The following ECPAS variants were observed in gnomAD, a reference collection of about 807,000 sequenced individuals.
The protein encoded by ECPAS is Ecm29 proteasome adaptor and scaffold, also known as proteasome adapter and scaffold protein ECM29.
ECPAS carries 70 observed loss-of-function variants against 255.1 expected under a neutral mutation model. That is an observed-to-expected ratio of 0.27 (90% confidence interval 0.23 to 0.33). The LOEUF (loss-of-function observed/expected upper bound fraction) is 0.33, where lower values mean the gene tolerates loss of function less well. ECPAS is among the 10% of genes least tolerant of loss of function. The pLI, the probability that ECPAS is intolerant of heterozygous loss-of-function variation, is 1.00. For synonymous variants in ECPAS, 784 were observed against 775.0 expected (o/e 1.01, Z -0.19); for missense variants, 1,817 against 2,206.4 (o/e 0.82, Z 3.54).
Position 111,372,600 on chromosome 9 carries a change from A to T in ECPAS, c.4357T>A (p.Cys1453Ser). 6.2e-7 allele frequency: 1 copy of T among 1,612,532 alleles called. No homozygotes were observed. The highest frequency in any genetic ancestry group is 8.5e-7 in the Non-Finnish European group (1 of 1,179,118). The change falls in exon 42 of 50, where the codon TGT (cysteine) becomes AGT (serine). Residue 1453 changes from cysteine to serine, a missense_variant. Transcript: ENST00000684092. ...EKEEPIYKTS[C>S]ALTIHAIGRY... Reference sequence around the variant, plus strand: ...CCAATAGCATGAATAGTCAAAGCACAAGAGGTCTTGTAGATAGGTTCTGAA... The same window carrying T: ...CCAATAGCATGAATAGTCAAAGCACTAGAGGTCTTGTAGATAGGTTCTGAA...
At chr9:111,446,824 A>T (rs1040580979) in intron 3 of ECPAS, among the ~76,000 whole-genome samples, 4 of 152,204 alleles carry the variant, frequency 2.6e-5, no homozygotes, top group Non-Finnish European at 5.9e-5. Context: ...TAACCTTTTC[A>T]AACACTGATA....
At chr9:111,425,216 A>C (rs571801228) in intron 12 of ECPAS, among the ~76,000 whole-genome samples, 1 of 152,062 alleles carries the variant, frequency 6.6e-6, no homozygotes, top group Non-Finnish European at 1.5e-5. Flanking sequence ...GTAAGACCTC[A>C]TATCAGTTTT....
chr9:111,389,679 C>T lies in ECPAS; in HGVS notation c.3324G>A (p.Glu1108=). 5 of 1,613,686 alleles carry T rather than the reference C, an allele frequency of 3.1e-6. No homozygotes were observed. The highest frequency in any genetic ancestry group is 4.2e-6 in the Non-Finnish European group (5 of 1,179,748). The change falls in exon 31 of 50, where the codon GAG becomes GAA. Residue 1108 remains glutamate, a synonymous_variant. Coordinates refer to ENST00000684092, the MANE Select transcript of ECPAS (RefSeq NM_001364929.1). The part of the protein sequence containing the change: ...GFNVIATRAG[E]QLAPFLPQLV... ...GCTGAGGCAGAAAAGGAGCCAGCTG[C>T]TCTCCAGCTCTGGTAGCAATTACAT...
In ECPAS at chr9:111,406,150, T is replaced by A. The variant is rs949536423; in HGVS notation, c.2652+2421A>T. Among the ~76,000 whole-genome samples, 6 of 149,698 alleles carry A rather than the reference T, an allele frequency of 4.0e-5. 2 individuals are homozygous for A. The highest frequency in any genetic ancestry group is 7.6e-5 in the African/African-American group (3 of 39,456). On this transcript the variant is annotated intron_variant, in intron 24 of 49. Transcript: ENST00000684092. ...TCCAGCAACAGATGAATGGATTTTTTAAAAGTGGTATATATACACAATGGA... is the reference window on the plus strand; with the variant it reads ...TCCAGCAACAGATGAATGGATTTTTAAAAAGTGGTATATATACACAATGGA...
intron 13 of ECPAS, 79 bp from the exon 14 acceptor site, chr9:111,422,279 A>C (rs1280099217): frequency 7.0e-7 from 1 of 1,432,720 alleles, no homozygotes; most frequent in Non-Finnish European, 9.7e-7. Flanking sequence ...ACTAAACACA[A>C]ATTTTCCTGA....
intron 35 of ECPAS, 65 bp downstream of exon 35, chr9:111,383,146 G>C: frequency 6.3e-7 from 1 of 1,580,458 alleles, no homozygotes; most frequent in Middle Eastern, 1.7e-4. Context: ...ATCTAACCTT[G>C]AAAGAAACAC....
chr9:111,472,031 G>C (rs2098288984), intron 2 of ECPAS, among the ~76,000 whole-genome samples: 1 of 152,222 alleles, frequency 6.6e-6, no homozygotes, highest in African/African-American at 2.4e-5. Flanking sequence ...GAGCCCAGGA[G>C]GTCAAGGCTG....
chr9:111,423,397 G>A (rs1457744812), intron 12 of ECPAS, 149 bp from the exon 13 acceptor site: 2 of 604,780 alleles, frequency 3.3e-6, no homozygotes, highest in African/African-American at 1.9e-5. Flanking sequence ...TAACTACATG[G>A]TGTTAGCACC....
chr9:111,454,769 C>T (rs939901558), intron 2 of ECPAS, among the ~76,000 whole-genome samples: 5 of 150,746 alleles, frequency 3.3e-5, no homozygotes, highest in Non-Finnish European at 7.4e-5. Flanking sequence ...AGTGCAGTGG[C>T]GCTATCCACA....
Position 111,412,067 on chromosome 9 carries a change from TC to T in ECPAS, c.2160del (p.Asn721MetfsTer3). ...TGTTCTATCATTGATTTCAACTCATTCCCCGACACTGTTGATACCACTACAG... is the reference window on the plus strand; with the variant it reads ...TGTTCTATCATTGATTTCAACTCATTCCCGACACTGTTGATACCACTACAG... ...FYSVVVSTVS[G>X]NELKSMIEQL... is the part of the protein sequence containing the mutation. On this transcript the variant is annotated frameshift_variant, in exon 21 of 50. Coordinates refer to ENST00000684092, the MANE Select transcript of ECPAS (RefSeq NM_001364929.1). LOFTEE classifies it high-confidence loss of function. 1 of 1,592,726 alleles carries T rather than the reference TC, an allele frequency of 6.3e-7. No homozygotes were observed. Among genetic ancestry groups the T allele is most frequent in the Non-Finnish European group, 8.5e-7 (1 of 1,174,186 alleles).
chr9:111,391,812 T>C lies in ECPAS; in HGVS notation c.3105A>G (p.Glu1035=). The C allele has an allele frequency of 6.2e-7, 1 of 1,605,244 alleles. No individual in the cohort carries two copies. The highest frequency in any genetic ancestry group is 2.2e-5 in the East Asian group (1 of 44,716). The change falls in exon 29 of 50, where the codon GAA becomes GAG. Residue 1035 remains glutamate (E), a synonymous_variant. Transcript: ENST00000684092. Reference sequence around the variant, plus strand: ...GAAATACCACTGTCTCTCCAGAAACTTCATGTTTAACTCTAAACCAAAACA... The same window carrying C: ...GAAATACCACTGTCTCTCCAGAAACCTCATGTTTAACTCTAAACCAAAACA... ...TLMTGKRVKH[E]VSGETVVFQG...
At chr9:111,429,705 T>C (rs1446989407) in intron 9 of ECPAS, among the ~76,000 whole-genome samples, 1 of 152,166 alleles carries the variant, frequency 6.6e-6, no homozygotes, top group African/African-American at 2.4e-5. Context: ...TATTTATGGT[T>C]TAAAAAGCAA....
chr9:111,430,674 C>A, intron 8 of ECPAS, 46 bp from the exon 9 acceptor site: 1 of 1,313,140 alleles, frequency 7.6e-7, no homozygotes, highest in Non-Finnish European at 1.1e-6. Flanking sequence ...TTTTCCCCCT[C>A]CTTCAGTGAT....
chr9:111,402,132 C>T (rs1268174773), intron 24 of ECPAS, among the ~76,000 whole-genome samples: 1 of 152,318 alleles, frequency 6.6e-6, no homozygotes, highest in East Asian at 1.9e-4. Flanking sequence ...GCAGTAAAGA[C>T]AGGCATAAGA....
At chr9:111,391,518 T>C (rs145709327) in intron 29 of ECPAS, among the ~76,000 whole-genome samples, 1 of 151,344 alleles carries the variant, frequency 6.6e-6, no homozygotes, top group Non-Finnish European at 1.5e-5. Flanking sequence ...GAGGCGGAGG[T>C]TGCAGTGAGC....
At chr9:111,370,147 G>A (rs1280510171) in intron 45 of ECPAS, among the ~76,000 whole-genome samples, 1 of 152,168 alleles carries the variant, frequency 6.6e-6, no homozygotes, top group East Asian at 1.9e-4. Flanking sequence ...CATCTCCTCT[G>A]CATTCCTGCC....
At chr9:111,418,044 T>A in intron 16 of ECPAS, 38 bp from the exon 17 acceptor site, 1 of 1,533,366 alleles carries the variant, frequency 6.5e-7, no homozygotes, top group South Asian at 1.3e-5. Flanking sequence ...AAAATAAATG[T>A]CACCAATGGG....
intron 20 of ECPAS, among the ~76,000 whole-genome samples, chr9:111,413,229 C>G (rs1241896065): frequency 6.6e-6 from 1 of 152,200 alleles, no homozygotes; most frequent in Non-Finnish European, 1.5e-5. Context: ...ATAGATTATT[C>G]ATTGCAGCAG....
chr9:111,475,351 T>A lies in ECPAS; in HGVS notation c.-82-2351A>T, dbSNP rs118023728. 5.9e-5 allele frequency among the ~76,000 whole-genome samples: 9 copies of A among 152,304 alleles called. No individual in the cohort carries two copies. In the East Asian group the frequency reaches 1.7e-3, roughly 29 times the overall value. On this transcript the variant is annotated intron_variant, in intron 1 of 49. Coordinates refer to ENST00000684092, the MANE Select transcript of ECPAS (RefSeq NM_001364929.1). The stretch of plus-strand genomic sequence containing the variant: ...GTGACTTCAATTTTAACATCTATCT[T>A]CTGAACAAGGTCAATGCTCCTGTGC...
Sources: allele counts gnomAD v4.1 joint callset (sites outside exome capture counted in the v4.1 genomes callset), GRCh38; gene constraint gnomAD v4.1.1; transcripts MANE v1.5; gene names NCBI Gene and HGNC (gene_info 2026-07-23, HGNC 2026-07-21).